HECW2: variants seen among roughly 807,000 people sequenced by gnomAD.
The protein encoded by HECW2 is HECT, C2 and WW domain containing E3 ubiquitin protein ligase 2.
A neutral mutation model predicts 175.2 loss-of-function variants in HECW2; 61 were observed. That is an observed-to-expected ratio of 0.35 (90% CI 0.28 to 0.43). HECW2 has a LOEUF of 0.43. HECW2 is among the 20% of genes least tolerant of loss of function. The pLI is 1.00. For synonymous variants in HECW2, 671 were observed against 731.0 expected, an observed-to-expected ratio of 0.92 and a Z score of 1.32; for missense variants, 1,524 against 2,000.5, an observed-to-expected ratio of 0.76 and a Z score of 4.54.
At chr2:196,547,003 T>C (rs1306032350) in intron 1 of HECW2, among the ~76,000 whole-genome samples, 1 of 152,210 alleles carries the variant, frequency 6.6e-6, no homozygotes, top group Non-Finnish European at 1.5e-5. Context: ...GCCACTGTTA[T>C]GTGACCTGAA....
chr2:196,490,417 C>T (rs1687146701), intron 1 of HECW2, among the ~76,000 whole-genome samples: 1 of 152,156 alleles, frequency 6.6e-6, no homozygotes, highest in Non-Finnish European at 1.5e-5. Context: ...CACAAAGATG[C>T]TCTCATTTGA....
chr2:196,276,732 G>T (rs1350400768), intron 15 of HECW2, among the ~76,000 whole-genome samples: 1 of 152,120 alleles, frequency 6.6e-6, no homozygotes, highest in Non-Finnish European at 1.5e-5. Flanking sequence ...AAAAATTTTT[G>T]CACATACCTC....
At chr2:196,547,952 C>CTGAGGGAATTCGAG (rs143091208) in intron 1 of HECW2, among the ~76,000 whole-genome samples, 7,620 of 152,140 alleles carry the variant, frequency 0.05, 632 homozygotes, top group African/African-American at 0.17. Flanking sequence ...CTCTCATCAC[C>CTGAGGGAATTCGAG]TGAGGGAATT....
chr2:196,515,483 C>CT (rs540946374), intron 1 of HECW2, among the ~76,000 whole-genome samples: 138 of 152,330 alleles, frequency 9.1e-4, no homozygotes, highest in African/African-American at 3.2e-3. Flanking sequence ...ATGGATTTGG[C>CT]TTGGCGAGCA....
chr2:196,369,001 G>A (rs1209329693), intron 2 of HECW2, among the ~76,000 whole-genome samples: 2 of 152,068 alleles, frequency 1.3e-5, no homozygotes, highest in Non-Finnish European at 2.9e-5. Flanking sequence ...CCTTTGGTGA[G>A]GTCATGTTTT....
At chr2:196,458,700 T>A (rs143503119) in intron 1 of HECW2, among the ~76,000 whole-genome samples, 315 of 151,952 alleles carry the variant, frequency 2.1e-3, no homozygotes, top group Middle Eastern at 0.014. Context: ...ACCCCGTCTC[T>A]ACTAAAAATA....
chr2:196,277,061 C>A (rs1444910169), intron 15 of HECW2, among the ~76,000 whole-genome samples: 2 of 152,072 alleles, frequency 1.3e-5, no homozygotes, highest in East Asian at 3.8e-4. Context: ...TTTTCAGAAA[C>A]AATGTAAATC....
At chr2:196,536,130 T>C (rs567419921) in intron 1 of HECW2, among the ~76,000 whole-genome samples, 8 of 152,252 alleles carry the variant, frequency 5.3e-5, no homozygotes, top group African/African-American at 1.9e-4. Flanking sequence ...AAATACCAAT[T>C]TTTCTAAATG....
At chr2:196,343,485 A>T (rs796850136) in intron 3 of HECW2, among the ~76,000 whole-genome samples, 172 bp downstream of exon 3, 2 of 152,346 alleles carry the variant, frequency 1.3e-5, no homozygotes, top group African/African-American at 4.8e-5. Flanking sequence ...TTTTCAAAAT[A>T]TGTGAACATT....
intron 13 of HECW2, 38 bp downstream of exon 13, chr2:196,306,450 G>C (rs746171938): frequency 1.3e-6 from 2 of 1,573,180 alleles, no homozygotes; most frequent in South Asian, 2.3e-5. Context: ...GCTTTGGCCT[G>C]CTGTTTTCCT....
intron 1 of HECW2, among the ~76,000 whole-genome samples, chr2:196,518,620 A>T (rs1355982740): frequency 7.0e-6 from 1 of 142,158 alleles, no homozygotes; most frequent in African/African-American, 2.7e-5. Flanking sequence ...GCGCCACTGC[A>T]CTCCAGCCTA....
chr2:196,310,768 T>TTGTGTGTGTGTGTGTGTGTGTGTGTGTG (rs143340435), intron 10 of HECW2, among the ~76,000 whole-genome samples: 6 of 148,216 alleles, frequency 4.0e-5, no homozygotes, highest in Admixed American at 1.3e-4. Context: ...AGCAACGATT[T>TTGTGTGTGTGTGTGTGTGTGTGTGTGTG]TGTGTGTGTG....
chr2:196,455,082 G>A (rs926575850), intron 1 of HECW2, among the ~76,000 whole-genome samples: 1 of 150,192 alleles, frequency 6.7e-6, no homozygotes, highest in Admixed American at 6.6e-5. Flanking sequence ...TCACCAGGCT[G>A]GAGTACAGTG....
At chr2:196,431,312 A>T (rs1293230725) in intron 2 of HECW2, among the ~76,000 whole-genome samples, 2 of 152,176 alleles carry the variant, frequency 1.3e-5, no homozygotes, top group African/African-American at 4.8e-5. Context: ...TGCGGTTGGA[A>T]TTCCTTAGTT....
intron 19 of HECW2, among the ~76,000 whole-genome samples, chr2:196,248,631 C>G (rs73987943): frequency 0.15 from 22,788 of 148,110 alleles, 4,187 homozygotes; most frequent in African/African-American, 0.45. Context: ...CACACACACA[C>G]AGAGAGAGAC....
chr2:196,445,955 T>A (rs1696172103), intron 1 of HECW2, among the ~76,000 whole-genome samples: 1 of 152,234 alleles, frequency 6.6e-6, no homozygotes, highest in Non-Finnish European at 1.5e-5. Flanking sequence ...TTTTTGTATA[T>A]TCTCAATATG....
intron 1 of HECW2, among the ~76,000 whole-genome samples, chr2:196,583,776 T>C (rs563580968): frequency 6.6e-6 from 1 of 152,348 alleles, no homozygotes; most frequent in African/African-American, 2.4e-5. Context: ...CCATTAGGCA[T>C]TGGTTATTGA....
At chr2:196,561,272 C>T (rs535697310) in intron 1 of HECW2, among the ~76,000 whole-genome samples, 3 of 152,198 alleles carry the variant, frequency 2.0e-5, no homozygotes, top group Non-Finnish European at 4.4e-5. Context: ...CCTGCAGTGC[C>T]GCCAGGCTTG....
intron 1 of HECW2, among the ~76,000 whole-genome samples, chr2:196,466,179 T>C (rs1391992912): frequency 6.6e-6 from 1 of 152,190 alleles, no homozygotes; most frequent in Non-Finnish European, 1.5e-5. Context: ...AGGAAAACAG[T>C]GTTACCCAAA....
Sources: gnomAD v4.1 joint callset for allele counts (sites outside exome capture counted in the v4.1 genomes callset) on GRCh38, gnomAD v4.1.1 for gene constraint, MANE v1.5 for transcripts, NCBI Gene and HGNC (gene_info 2026-07-23, HGNC 2026-07-21) for gene names.